Variants in KCTD19 observed in about 807,000 individuals in gnomAD.
KCTD19 encodes the protein BTB/POZ domain-containing protein KCTD19.
In KCTD19, 67 loss-of-function variants were observed where a neutral mutation model predicts 103.5. That is an observed-to-expected ratio of 0.65 (90% CI 0.53 to 0.79). KCTD19 has a LOEUF of 0.79. Among genes scored for constraint, KCTD19 ranks in the 30% least tolerant of loss-of-function variants. KCTD19 has a pLI of 0.00. For missense variants in KCTD19, 980 were observed against 1,136.1 expected, an observed-to-expected ratio of 0.86 and a Z score of 1.98; for synonymous variants, 439 against 452.2, an observed-to-expected ratio of 0.97 and a Z score of 0.37.
chr16:67,289,457 T>C lies in KCTD19; in HGVS notation c.*112A>G, dbSNP rs910365749. On this transcript the variant is annotated 3_prime_UTR_variant, in exon 16 of 16. Transcript: ENST00000304372. ...TGTGATTTAATCTTTTATTTGTTTA[T>C]AATAAAAAATAGACTGATATGTACC... 5.1e-6 allele frequency: 3 copies of C among 582,826 alleles called. No individual in the cohort carries two copies. Among genetic ancestry groups the C allele is most frequent in the Non-Finnish European group, 6.2e-6 (2 of 324,988 alleles). The allele number at this position is 582,826 out of a possible 1,614,324, so 36.1% of individuals were successfully genotyped here. A position where few individuals can be genotyped will look rare whatever the true frequency, so the allele number is the denominator to read the frequency against.
chr16:67,313,375 G>T (rs1165840002), intron 2 of KCTD19, among the ~76,000 whole-genome samples: 1 of 152,058 alleles, frequency 6.6e-6, no homozygotes, highest in Non-Finnish European at 1.5e-5. Context: ...CTCCCAAAGT[G>T]TTAGGATTAC....
intron 7 of KCTD19, 35 bp downstream of exon 7, chr16:67,297,468 A>T: frequency 1.9e-6 from 3 of 1,606,090 alleles, no homozygotes; most frequent in Non-Finnish European, 1.7e-6. Flanking sequence ...TACTCCCCTG[A>T]TGCTAAATTC....
intron 2 of KCTD19, among the ~76,000 whole-genome samples, chr16:67,317,791 TC>T (rs1379710319): frequency 1.3e-5 from 2 of 152,174 alleles, no homozygotes; most frequent in Non-Finnish European, 2.9e-5. Context: ...TATTGGATCA[TC>T]CTATGTTTTC....
intron 2 of KCTD19, among the ~76,000 whole-genome samples, chr16:67,314,830 TAGAGAGAG>T (rs71145965): frequency 2.4e-4 from 8 of 33,650 alleles, no homozygotes; most frequent in Admixed American, 9.8e-4. Flanking sequence ...TATATATATA[TAGAGAGAG>T]AGAGAGAGAG....
At chr16:67,304,249 AG>A (rs2036867282) in intron 3 of KCTD19, among the ~76,000 whole-genome samples, 171 bp downstream of exon 3, 1 of 152,206 alleles carries the variant, frequency 6.6e-6, no homozygotes, top group Admixed American at 6.5e-5. Flanking sequence ...TGGTTCCAGC[AG>A]GCAAGCAGCC....
intron 13 of KCTD19, 53 bp from the exon 14 acceptor site, chr16:67,291,516 A>G: frequency 6.3e-7 from 1 of 1,591,988 alleles, no homozygotes; most frequent in Non-Finnish European, 8.6e-7. Context: ...CTAGGGCCTT[A>G]GAGACAGTGT....
Position 67,294,694 on chromosome 16 carries a change from C to A in KCTD19, c.1476G>T (p.Lys492Asn). 6.2e-7 allele frequency: 1 copy of A among 1,608,306 alleles called. No homozygotes were observed. Residue 492 changes from lysine to asparagine, a missense_variant and splice_region_variant, in exon 11 of 16, where the codon AAG (lysine) becomes AAT (asparagine). Physicochemically the swap from Lys to Asn is moderately conservative, Grantham distance 94. Coordinates refer to ENST00000304372, the MANE Select transcript of KCTD19 (RefSeq NM_001100915.3). ...CAGATTCTTTCTCCTGAGTCCATGA[C>A]CTGCAGAAACCAAGAGGGGTTGGTT... ...SEALAQCEAY[K>N]SWTQEKESEN...
chr16:67,308,658 G>C (rs1453714424), intron 2 of KCTD19, among the ~76,000 whole-genome samples: 2 of 147,896 alleles, frequency 1.4e-5, no homozygotes, highest in East Asian at 3.9e-4. Context: ...CTCTGAGCCA[G>C]AATGGGTCAT....
chr16:67,295,867 C>G, intron 8 of KCTD19: 1 of 395,976 alleles, frequency 2.5e-6, no homozygotes, highest in East Asian at 5.1e-5. Flanking sequence ...GCTTCAGCCT[C>G]CCAAGTATCT....
intron 2 of KCTD19, among the ~76,000 whole-genome samples, chr16:67,307,905 T>C (rs2036910583): frequency 1.3e-5 from 2 of 152,322 alleles, no homozygotes; most frequent in Non-Finnish European, 2.9e-5. Context: ...CTGACTGTAA[T>C]TTTGTACCCA....
In KCTD19 at chr16:67,301,784, GACA is replaced by G; in HGVS notation, c.775+4_775+6del. 2 of 1,613,322 alleles carry G rather than the reference GACA, an allele frequency of 1.2e-6. No individual in the cohort carries two copies. The highest frequency in any genetic ancestry group is 1.7e-6 in the Non-Finnish European group (2 of 1,179,582). On this transcript the variant is annotated splice_donor_5th_base_variant and intron_variant, in intron 5 of 15. Transcript: ENST00000304372. ...CGAGGGGGAGCCAAGGTTTCCTGGC[GACA>G]TACCCATGTTCATCCGGTACCACCT...
intron 2 of KCTD19, among the ~76,000 whole-genome samples, chr16:67,317,928 A>T (rs2037030025): frequency 6.6e-6 from 1 of 152,190 alleles, no homozygotes; most frequent in African/African-American, 2.4e-5. Flanking sequence ...AATTTCTCCA[A>T]GCAAAGTGTT....
chr16:67,293,769 C>T lies in KCTD19; in HGVS notation c.1993G>A (p.Glu665Lys), dbSNP rs1365972889. The T allele has an allele frequency of 6.2e-7, 1 of 1,613,810 alleles. No homozygotes were observed. Among genetic ancestry groups the T allele is most frequent in the Non-Finnish European group, 8.5e-7 (1 of 1,180,032 alleles). ...CCCAAGGGGAGCTGCAGGGTGGCCT[C>T]CTCCAAGGGGCTGCTCCGTGTGGCT... is the stretch of plus-strand genomic sequence containing the variant. ...LTATRSSPLE[E>K]ATLQLPLGSE... Residue 665 changes from glutamate to lysine, a missense_variant, in exon 12 of 16, where the codon GAG becomes AAG. By Grantham distance (56) the Glu-to-Lys change is moderately conservative. Coordinates refer to ENST00000304372, the MANE Select transcript of KCTD19 (RefSeq NM_001100915.3). The surrounding 1 kb of genome is among the most constrained non-coding windows in gnomAD (Gnocchi z 4.0).
At position 67,293,839 on chromosome 16, in the gene KCTD19, T is replaced by C. The variant is rs780690255; in HGVS notation, c.1923A>G (p.Glu641=). 7.4e-6 allele frequency: 12 copies of C among 1,613,874 alleles called. No homozygotes were observed. The South Asian group carries it at 1.1e-4, about 15-fold the overall frequency. ...ACTGTTTGCAATTGACCATGTCCCA[T>C]TCTCTCACCAGGGAGATGAGTTTTT... The part of the protein sequence containing the change: ...PMQKLISLVR[E]WDMVNCKQWE... The change falls in exon 12 of 16, where the codon GAA becomes GAG. Residue 641 remains glutamate (E), a synonymous_variant. Transcript: ENST00000304372. This position sits in a 1 kb window ranked among gnomAD's most constrained non-coding sequence, Gnocchi z 4.0.
chr16:67,326,589 C>T (rs2037177025), intron 1 of KCTD19, 116 bp downstream of exon 1: 1 of 1,418,892 alleles, frequency 7.0e-7, no homozygotes, highest in Admixed American at 2.3e-5. Flanking sequence ...GGGCCCCTCG[C>T]TCTCTCCCAT....
chr16:67,309,116 G>A lies in KCTD19; in HGVS notation c.301-4545C>T, dbSNP rs1469380004. On this transcript the variant is annotated intron_variant, in intron 2 of 15. Transcript: ENST00000304372. The stretch of plus-strand genomic sequence containing the variant: ...TGCACTCAAGCCTAGGAGACAGAGC[G>A]AGACTTCAGCTCAAAAAAAAAAAAA... 3.1e-4 allele frequency among the ~76,000 whole-genome samples: 43 copies of A among 139,722 alleles called. 1 individual carries two copies. Among genetic ancestry groups the A allele is most frequent in the Admixed American group, 2.7e-3 (36 of 13,250 alleles). The allele number at this position is 139,722 out of a possible 152,430, so 91.7% of individuals were successfully genotyped here.
rs147258758 is a variant in KCTD19 at position 67,323,175 on chromosome 16, C to A, written c.4-2290G>T. ...AAATGTAAAGCATGGAGTTATTCTA[C>A]TATGAGCCAGCAATTCCACTCCTAG... On this transcript the variant is annotated intron_variant, in intron 1 of 15. Coordinates refer to ENST00000304372, the MANE Select transcript of KCTD19 (RefSeq NM_001100915.3). This position sits in a 1 kb window ranked among gnomAD's most constrained non-coding sequence, Gnocchi z 4.1. Among the ~76,000 whole-genome samples, 4 of 152,312 alleles carry A rather than the reference C, an allele frequency of 2.6e-5. No homozygotes were observed. Among genetic ancestry groups the A allele is most frequent in the African/African-American group, 9.6e-5 (4 of 41,582 alleles).
intron 1 of KCTD19, among the ~76,000 whole-genome samples, chr16:67,322,476 T>G (rs1389728754): frequency 6.6e-6 from 1 of 152,064 alleles, no homozygotes; most frequent in Non-Finnish European, 1.5e-5. Context: ...TTTTTTGTAT[T>G]TTTAGTAGAG....
At chr16:67,321,513 ACACAAT>A (rs2037072244) in intron 1 of KCTD19, 1 of 152,248 alleles carries the variant, frequency 6.6e-6, no homozygotes, top group Non-Finnish European at 1.5e-5. Context: ...TACAAATTCA[ACACAAT>A]CTCTGTGAAA....
Sources: allele counts gnomAD v4.1 joint callset (sites outside exome capture counted in the v4.1 genomes callset), GRCh38; gene constraint gnomAD v4.1.1; non-coding constraint Gnocchi (gnomAD v3.1); transcripts MANE v1.5; gene names NCBI Gene and HGNC (gene_info 2026-07-23, HGNC 2026-07-21).